The following ANO5 variants were observed in gnomAD, a reference collection of about 807,000 sequenced individuals.
ANO5 encodes anoctamin 5, also known as anoctamin-5.
ANO5 carries 109 observed loss-of-function variants against 121.0 expected under a neutral mutation model. The observed-to-expected ratio is 0.90, with a 90% confidence interval of 0.77 to 1.06. The LOEUF (loss-of-function observed/expected upper bound fraction) is 1.06, where lower values mean the gene tolerates loss of function less well. Ranked by LOEUF, ANO5 falls within the 50% of genes least tolerant of loss-of-function variation. ANO5 has a pLI of 0.00. For missense variants in ANO5, 1,064 were observed against 1,078.5 expected, an observed-to-expected ratio of 0.99 and a Z score of 0.19; for synonymous variants, 406 against 359.9, an observed-to-expected ratio of 1.13 and a Z score of -1.45.
intron 9 of ANO5, among the ~76,000 whole-genome samples, chr11:22,240,025 T>C (rs1853374182): frequency 6.6e-6 from 1 of 152,114 alleles, no homozygotes; most frequent in South Asian, 2.1e-4. Flanking sequence ...AGCACATTAG[T>C]TATAATATCT....
chr11:22,272,061 A>AT (rs1854636356), intron 18 of ANO5, among the ~76,000 whole-genome samples: 2 of 152,018 alleles, frequency 1.3e-5, no homozygotes, highest in East Asian at 1.9e-4. Context: ...ATGGCTTATT[A>AT]TTTTTTTCTT....
intron 6 of ANO5, 148 bp from the exon 7 acceptor site, chr11:22,227,154 T>A: frequency 3.0e-6 from 3 of 1,007,454 alleles, no homozygotes; most frequent in Non-Finnish European, 4.4e-6. Flanking sequence ...TGAATTTTGT[T>A]TTCTCAAAGT....
chr11:22,232,015 G>GTGTCTCCTCTCGTTCACTATTCCT (rs1273411431), intron 7 of ANO5, among the ~76,000 whole-genome samples: 30 of 151,974 alleles, frequency 2.0e-4, no homozygotes. Flanking sequence ...AGAAGCTCTA[G>GTGTCTCCTCTCGTTCACTATTCCT]TGTCTCCTCT....
chr11:22,262,575 G>A (rs1762031842), intron 16 of ANO5, among the ~76,000 whole-genome samples: 1 of 152,164 alleles, frequency 6.6e-6, no homozygotes, highest in Non-Finnish European at 1.5e-5. Context: ...TCCTGCAAAG[G>A]AAGACTGATT....
intron 14 of ANO5, 119 bp from the exon 15 acceptor site, chr11:22,259,400 G>A: frequency 2.8e-6 from 3 of 1,054,936 alleles, no homozygotes; most frequent in Non-Finnish European, 4.3e-6. Context: ...AGTTTGCTTT[G>A]CACATGAGAA....
Position 22,279,767 on chromosome 11 carries a change from C to T in ANO5, c.*2C>T. The T allele has an allele frequency of 6.2e-7, 1 of 1,609,516 alleles. No homozygotes were observed. The highest frequency in any genetic ancestry group is 8.5e-7 in the Non-Finnish European group (1 of 1,176,872). Reference sequence around the variant, plus strand: ...CAGCTGGCTAAATCAACACTCTAATCAGTATAGTGAGGAAGCAGCAGGTGA... The same window carrying T: ...CAGCTGGCTAAATCAACACTCTAATTAGTATAGTGAGGAAGCAGCAGGTGA... On this transcript the variant is annotated 3_prime_UTR_variant, in exon 22 of 22. Coordinates refer to ENST00000324559, the MANE Select transcript of ANO5 (RefSeq NM_213599.3).
intron 3 of ANO5, among the ~76,000 whole-genome samples, chr11:22,217,855 A>C (rs1852501480): frequency 6.6e-6 from 1 of 151,972 alleles, no homozygotes; most frequent in Non-Finnish European, 1.5e-5. Context: ...GTGATGAAAT[A>C]ATCTGTACAA....
Position 22,227,292 on chromosome 11 carries a change from T to C in ANO5, c.364-10T>C. ...AAGCTTTCTGCTGTTTTGCCTTTTT[T>C]TTAATGCAGGACTCGGAAGATGGAA... On this transcript the variant is annotated splice_polypyrimidine_tract_variant and intron_variant, in intron 6 of 21. Transcript: ENST00000324559. 1 of 1,613,296 alleles carries C rather than the reference T, an allele frequency of 6.2e-7. No individual in the cohort carries two copies. The highest frequency in any genetic ancestry group is 1.1e-5 in the South Asian group (1 of 91,056).
Position 22,262,286 on chromosome 11 carries a change from G to A in ANO5, c.1788G>A (p.Trp596Ter). ...AATACACATATTTATTTAATGAGTG[G>A]AGAAGTGAAGAGGTAAGAATTTCCT... ...PGKYTYLFNE[W>*]RSEECDPGGC... Residue 596 changes from tryptophan to a stop codon, truncating the protein, a stop_gained, in exon 16 of 22, where the codon TGG becomes TGA. Transcript: ENST00000324559. LOFTEE classifies it high-confidence loss of function. 2.5e-6 allele frequency: 4 copies of A among 1,613,632 alleles called. No individual in the cohort carries two copies. Among genetic ancestry groups the A allele is most frequent in the Non-Finnish European group, 3.4e-6 (4 of 1,179,858 alleles).
At chr11:22,229,452 C>T (rs553872461) in intron 7 of ANO5, among the ~76,000 whole-genome samples, 117 of 151,610 alleles carry the variant, frequency 7.7e-4, no homozygotes, top group Non-Finnish European at 1.3e-3. Context: ...AAACCTAAGT[C>T]AGGATTTATG....
chr11:22,271,620 T>G (rs902674121), intron 18 of ANO5, among the ~76,000 whole-genome samples: 3 of 152,218 alleles, frequency 2.0e-5, no homozygotes, highest in African/African-American at 7.2e-5. Flanking sequence ...AATTAAAAAG[T>G]TGAAACAAAG....
chr11:22,222,955 T>C (rs1852702585), intron 5 of ANO5, among the ~76,000 whole-genome samples: 1 of 152,078 alleles, frequency 6.6e-6, no homozygotes, highest in Admixed American at 6.6e-5. Flanking sequence ...TAGCTGATCA[T>C]ATTTTTCTGT....
At chr11:22,196,083 G>T (rs1851801551) in intron 1 of ANO5, among the ~76,000 whole-genome samples, 1 of 152,086 alleles carries the variant, frequency 6.6e-6, no homozygotes, top group Non-Finnish European at 1.5e-5. Flanking sequence ...TTCTTATTAG[G>T]TATCTTAGCC....
At position 22,230,566 on chromosome 11, in the gene ANO5, A is replaced by G. The variant is rs570696454; in HGVS notation, c.648+2980A>G. Among the ~76,000 whole-genome samples the G allele has an allele frequency of 1.1e-4, 16 of 152,134 alleles. No homozygotes were observed. In the South Asian group the frequency reaches 2.5e-3, roughly 24 times the overall value. ...GTTTGTAAAATGTTTAAAAAATTTC[A>G]GATTCATAAATCCAACACCTACAAA... On this transcript the variant is annotated intron_variant, in intron 7 of 21. Transcript: ENST00000324559.
rs114449025 is a variant in ANO5 at position 22,254,418 on chromosome 11, C to A, written c.1181-953C>A. On this transcript the variant is annotated intron_variant, in intron 12 of 21. Coordinates refer to ENST00000324559, the MANE Select transcript of ANO5 (RefSeq NM_213599.3). ...GCATGTATATGCCCACCAATAGATA[C>A]GTACAAGAATGTTCACAGCAGCACT... Among the ~76,000 whole-genome samples, 455 of 152,152 alleles carry A rather than the reference C, an allele frequency of 3.0e-3. 3 individuals carry two copies. The highest frequency in any genetic ancestry group is 0.011 in the African/African-American group (442 of 41,526).
intron 18 of ANO5, among the ~76,000 whole-genome samples, chr11:22,272,301 GGCACACACACACACACAC>G (rs1477464854): frequency 7.2e-5 from 3 of 41,470 alleles, no homozygotes; most frequent in Non-Finnish European, 1.4e-4. Flanking sequence ...TTCCTTTTCC[GGCACACACACACACACAC>G]ACACACACAC....
intron 19 of ANO5, 28 bp downstream of exon 19, chr11:22,273,017 CTT>C: frequency 6.3e-7 from 1 of 1,594,178 alleles, no homozygotes; most frequent in Middle Eastern, 1.7e-4. Context: ...GGTGGGGTGA[CTT>C]TGTATTTCAT....
intron 7 of ANO5, among the ~76,000 whole-genome samples, chr11:22,233,064 G>A (rs9651578): frequency 0.15 from 22,720 of 151,844 alleles, 4,991 homozygotes; most frequent in African/African-American, 0.48. Flanking sequence ...AAATTCACCT[G>A]GTAATTGAAG....
At chr11:22,221,316 T>A (rs540640981) in intron 5 of ANO5, 106 bp downstream of exon 5, 2 of 994,166 alleles carry the variant, frequency 2.0e-6, no homozygotes, top group East Asian at 5.2e-5. Context: ...GGCCCTGAAG[T>A]GTTACTGAAA....
Sources: allele counts gnomAD v4.1 joint callset (sites outside exome capture counted in the v4.1 genomes callset), GRCh38; gene constraint gnomAD v4.1.1; transcripts MANE v1.5; gene names NCBI Gene and HGNC (gene_info 2026-07-23, HGNC 2026-07-21).